The following CCDC77 variants were observed in gnomAD, a reference collection of about 807,000 sequenced individuals.
CCDC77 encodes coiled-coil domain-containing protein 77.
A neutral mutation model predicts 66.8 loss-of-function variants in CCDC77; 56 were observed. The observed-to-expected ratio is 0.84, with a 90% confidence interval of 0.68 to 1.05. CCDC77 has a LOEUF of 1.05. CCDC77 is among the 50% of genes least tolerant of loss of function. The pLI, the probability that CCDC77 is intolerant of heterozygous loss-of-function variation, is 0.00. For synonymous variants in CCDC77, 196 were observed against 195.2 expected (o/e 1.00, Z -0.03); for missense variants, 570 against 576.8 (o/e 0.99, Z 0.12).
intron 9 of CCDC77, among the ~76,000 whole-genome samples, chr12:436,342 T>C (rs899272101): frequency 1.3e-5 from 2 of 151,920 alleles, no homozygotes; most frequent in Non-Finnish European, 2.9e-5. Context: ...TTAGCCAGGA[T>C]GGTCTCGATC....
At chr12:418,331 C>T (rs1414407993) in intron 4 of CCDC77, among the ~76,000 whole-genome samples, 163 bp from the exon 5 acceptor site, 1 of 152,126 alleles carries the variant, frequency 6.6e-6, no homozygotes, top group Non-Finnish European at 1.5e-5. Flanking sequence ...AAAAAACAAA[C>T]AAACTCCAGT....
intron 1 of CCDC77, among the ~76,000 whole-genome samples, chr12:402,818 T>C (rs1416550895): frequency 1.3e-5 from 2 of 152,228 alleles, no homozygotes; most frequent in Non-Finnish European, 2.9e-5. Context: ...GATATTCATA[T>C]GGTTAGACAG....
intron 3 of CCDC77, 99 bp from the exon 4 acceptor site, chr12:411,647 AT>A: frequency 2.1e-6 from 2 of 968,746 alleles, no homozygotes; most frequent in Non-Finnish European, 3.0e-6. Context: ...CACCTTAATT[AT>A]AAGCACTTTG....
Position 442,211 on chromosome 12 carries a change from T to G in CCDC77, c.*291T>G. 4.2e-6 allele frequency: 1 copy of G among 239,032 alleles called. No homozygotes were observed. Among genetic ancestry groups the G allele is most frequent in the Non-Finnish European group, 8.0e-6 (1 of 124,246 alleles). 14.8% of individuals were successfully genotyped at this position (239,032 alleles called of 1,614,324 possible). On this transcript the variant is annotated 3_prime_UTR_variant, in exon 13 of 13. Coordinates refer to ENST00000239830, the MANE Select transcript of CCDC77 (RefSeq NM_032358.4). ...GTCTGTATTGACCGGTTTTTGTTTTTTCAGAAGGCAGTGATGATGAAAACT... is the reference window on the plus strand; with the variant it reads ...GTCTGTATTGACCGGTTTTTGTTTTGTCAGAAGGCAGTGATGATGAAAACT...
chr12:422,697 G>A (rs919018336), intron 5 of CCDC77, among the ~76,000 whole-genome samples: 4 of 152,162 alleles, frequency 2.6e-5, no homozygotes, highest in Non-Finnish European at 5.9e-5. Flanking sequence ...TGTAACCTCC[G>A]CCTTCCAAAC....
At chr12:423,003 A>G (rs146729421) in intron 5 of CCDC77, among the ~76,000 whole-genome samples, 2,722 of 145,896 alleles carry the variant, frequency 0.019, 33 homozygotes, top group Admixed American at 0.03. Context: ...CTGCCATACT[A>G]TTTTCCATAG....
At chr12:424,915 C>G (rs960675214) in intron 5 of CCDC77, among the ~76,000 whole-genome samples, 4 of 141,478 alleles carry the variant, frequency 2.8e-5, no homozygotes, top group Admixed American at 7.0e-5. Context: ...CACATGGTTT[C>G]TTTCTTTTTT....
chr12:416,220 C>T (rs948054191), intron 4 of CCDC77, among the ~76,000 whole-genome samples: 6 of 150,458 alleles, frequency 4.0e-5, no homozygotes, highest in Admixed American at 2.0e-4. Context: ...GGATTACGGG[C>T]GTGAGTCACT....
At chr12:418,809 A>G in intron 5 of CCDC77, 173 bp downstream of exon 5, 1 of 628,562 alleles carries the variant, frequency 1.6e-6, no homozygotes, top group Non-Finnish European at 2.7e-6. Flanking sequence ...AGCGATTCTC[A>G]TGCCTCAGCC....
exon 1 of CCDC77, chr12:389,447 A>G: frequency 2.2e-6 from 1 of 452,730 alleles, no homozygotes; most frequent in Non-Finnish European, 4.1e-6. Flanking sequence ...TGCCCGCCAA[A>G]GTTCTGCCCA....
intron 6 of CCDC77, 72 bp from the exon 7 acceptor site, chr12:430,592 A>G (rs1326690552): frequency 9.1e-7 from 1 of 1,097,408 alleles, no homozygotes; most frequent in Non-Finnish European, 1.4e-6. Context: ...TTCAATCTGC[A>G]GAACTAAGGC....
chr12:435,784 G>A (rs1383119200), intron 9 of CCDC77, among the ~76,000 whole-genome samples: 1 of 152,172 alleles, frequency 6.6e-6, no homozygotes, highest in Non-Finnish European at 1.5e-5. Context: ...TGTTGCCCAG[G>A]CTGGAGTGCA....
chr12:438,603 G>T (rs1945798747), intron 10 of CCDC77, 49 bp downstream of exon 10: 1 of 1,416,748 alleles, frequency 7.1e-7, no homozygotes, highest in Admixed American at 1.9e-5. Flanking sequence ...TGGGAGAGTT[G>T]AAGGAATTCC....
chr12:436,836 A>C, intron 9 of CCDC77: 1 of 732,460 alleles, frequency 1.4e-6, no homozygotes, highest in Non-Finnish European at 1.7e-6. Flanking sequence ...TTTGGGTATC[A>C]CTTTCAAGCT....
intron 2 of CCDC77, among the ~76,000 whole-genome samples, chr12:408,320 TA>T (rs1339757374): frequency 6.6e-6 from 1 of 152,198 alleles, no homozygotes; most frequent in Non-Finnish European, 1.5e-5. Flanking sequence ...ATTTCTATAA[TA>T]AGGTTGCTTA....
intron 1 of CCDC77, among the ~76,000 whole-genome samples, chr12:396,593 G>A (rs1541463): frequency 0.71 from 107,509 of 151,964 alleles, 38,405 homozygotes; most frequent in Admixed American, 0.8. Flanking sequence ...ATCCCTAGCA[G>A]ATACTGAGCA....
At chr12:431,788 G>C (rs554217468) in intron 7 of CCDC77, 78 bp from the exon 8 acceptor site, 7 of 891,734 alleles carry the variant, frequency 7.8e-6, no homozygotes, top group Non-Finnish European at 1.3e-5. Flanking sequence ...ACTCCTCTGC[G>C]TGGGAAATAC....
chr12:440,866 A>G lies in CCDC77; in HGVS notation c.1190A>G (p.Lys397Arg). The change falls in exon 12 of 13, where the codon AAG (lysine) becomes AGG (arginine). Residue 397 changes from lysine (K) to arginine (R), a missense_variant. Coordinates refer to ENST00000239830, the MANE Select transcript of CCDC77 (RefSeq NM_032358.4). The part of the protein sequence containing the change: ...IFKDRTNKMG[K>R]RLQIMTKRYE... ...TAGGATCGCACTAACAAGATGGGGA[A>G]GCGTTTACAGATAATGACAAAACGC... 6.2e-7 allele frequency: 1 copy of G among 1,613,718 alleles called. No homozygotes were observed. Among genetic ancestry groups the G allele is most frequent in the South Asian group, 1.1e-5 (1 of 91,088 alleles).
intron 1 of CCDC77, among the ~76,000 whole-genome samples, chr12:392,660 G>A (rs745600425): frequency 2.6e-5 from 4 of 151,880 alleles, no homozygotes; most frequent in Non-Finnish European, 5.9e-5. Flanking sequence ...CAGGAGAATC[G>A]CTTGAACCTG....
Sources: allele counts gnomAD v4.1 joint callset (sites outside exome capture counted in the v4.1 genomes callset), GRCh38; gene constraint gnomAD v4.1.1; transcripts MANE v1.5; gene names NCBI Gene and HGNC (gene_info 2026-07-23, HGNC 2026-07-21).